DACH1: variants seen among roughly 807,000 people sequenced by gnomAD.
The protein encoded by DACH1 is dachshund homolog 1.
A neutral mutation model predicts 54.2 loss-of-function variants in DACH1; 12 were observed. The ratio of observed to expected loss-of-function variants is 0.22; its 90% CI spans 0.14 to 0.36. The LOEUF (loss-of-function observed/expected upper bound fraction) is 0.36. Ranked by LOEUF, DACH1 falls within the 10% of genes least tolerant of loss-of-function variation. The probability of loss-of-function intolerance (pLI) is 1.00; values close to 1 mark genes in which losing one functional copy is unlikely to be tolerated. For missense variants in DACH1, 805 were observed against 929.8 expected (o/e 0.87, Z 1.75); for synonymous variants, 386 against 366.2 (o/e 1.05, Z -0.62).
At chr13:71,751,216 C>CGTCA (rs1884907980) in intron 1 of DACH1, among the ~76,000 whole-genome samples, 1 of 152,200 alleles carries the variant, frequency 6.6e-6, no homozygotes, top group South Asian at 2.1e-4. Context: ...GTTTCTGCTG[C>CGTCA]GTCAGTCATC....
intron 1 of DACH1, among the ~76,000 whole-genome samples, chr13:71,743,490 C>T (rs1594165850): frequency 6.6e-6 from 1 of 152,162 alleles, no homozygotes; most frequent in Non-Finnish European, 1.5e-5. Flanking sequence ...TTCGCACAGT[C>T]CCTACAACTC....
At chr13:71,445,348 T>C (rs1248659499) in intron 10 of DACH1, among the ~76,000 whole-genome samples, 1 of 152,220 alleles carries the variant, frequency 6.6e-6, no homozygotes, top group African/African-American at 2.4e-5. Context: ...CCATGGGTAC[T>C]ATATAAAACA....
rs556321668 is a variant in DACH1 at position 71,753,338 on chromosome 13, T to C, written c.849-71428A>G. On this transcript the variant is annotated intron_variant, in intron 1 of 10. Coordinates refer to ENST00000613252, the MANE Select transcript of DACH1 (RefSeq NM_080759.6). ...GCTGATATTAGTCTACACAGTGTAT[T>C]ACAGATGAGGTACATTTCTTCTTAC... Among the ~76,000 whole-genome samples the C allele has an allele frequency of 7.9e-5, 12 of 152,248 alleles. No homozygotes were observed. In the South Asian group the frequency reaches 2.5e-3, roughly 32 times the overall value.
At chr13:71,532,878 T>C (rs1882507310) in intron 6 of DACH1, among the ~76,000 whole-genome samples, 1 of 151,944 alleles carries the variant, frequency 6.6e-6, no homozygotes. Context: ...TTCTAGTTAA[T>C]AAATATACAA....
chr13:71,459,233 T>C (rs1875857704), intron 10 of DACH1, among the ~76,000 whole-genome samples: 1 of 151,930 alleles, frequency 6.6e-6, no homozygotes, highest in South Asian at 2.1e-4. Context: ...AGAGGATATG[T>C]ATTAAAAACA....
chr13:71,637,961 G>A (rs1238934315), intron 2 of DACH1, among the ~76,000 whole-genome samples: 1 of 152,118 alleles, frequency 6.6e-6, no homozygotes, highest in African/African-American at 2.4e-5. Flanking sequence ...AAGACATCAA[G>A]ATGACTTCCA....
intron 1 of DACH1, among the ~76,000 whole-genome samples, chr13:71,848,010 G>T (rs559704642): frequency 6.6e-6 from 1 of 152,236 alleles, no homozygotes; most frequent in African/African-American, 2.4e-5. Flanking sequence ...AAATCACTGT[G>T]CTGGGAGACG....
In DACH1 at chr13:71,559,959, C is replaced by A; in HGVS notation, c.1300-4G>T. The A allele has an allele frequency of 2.6e-6, 4 of 1,536,804 alleles. No homozygotes were observed. The highest frequency in any genetic ancestry group is 1.3e-5 in the South Asian group (1 of 79,736). On this transcript the variant is annotated splice_region_variant and splice_polypyrimidine_tract_variant and intron_variant, in intron 4 of 10. Transcript: ENST00000613252. ...AGGGGCTATCAGGAACACGCTCCTG[C>A]ACCAGCAAGAGAGGGAAGGAGGGTA...
intron 2 of DACH1, among the ~76,000 whole-genome samples, chr13:71,673,563 C>T (rs1398392666): frequency 1.3e-5 from 2 of 151,376 alleles, no homozygotes; most frequent in South Asian, 2.1e-4. Flanking sequence ...TAATATGTTC[C>T]CATGGACACG....
intron 1 of DACH1, among the ~76,000 whole-genome samples, chr13:71,717,129 T>A (rs2138792397): frequency 6.6e-6 from 1 of 152,156 alleles, no homozygotes; most frequent in Non-Finnish European, 1.5e-5. Flanking sequence ...TCAATTATAT[T>A]ATGTACACAC....
At chr13:71,500,488 C>T (rs933371289) in intron 6 of DACH1, among the ~76,000 whole-genome samples, 3 of 152,034 alleles carry the variant, frequency 2.0e-5, no homozygotes, top group African/African-American at 7.3e-5. Context: ...GTGTTGAGGA[C>T]TGATATTCAA....
chr13:71,821,592 T>C (rs1479125478), intron 1 of DACH1, among the ~76,000 whole-genome samples: 3 of 152,168 alleles, frequency 2.0e-5, no homozygotes, highest in Non-Finnish European at 2.9e-5. Flanking sequence ...CCTACATTAG[T>C]TATATATTTT....
At chr13:71,565,294 A>T (rs1352545961) in intron 4 of DACH1, among the ~76,000 whole-genome samples, 5 of 152,160 alleles carry the variant, frequency 3.3e-5, no homozygotes, top group Non-Finnish European at 7.4e-5. Context: ...AGCTTTAAGA[A>T]AACTCAGGCT....
intron 1 of DACH1, among the ~76,000 whole-genome samples, chr13:71,791,619 G>C (rs1886837275): frequency 6.6e-6 from 1 of 152,064 alleles, no homozygotes; most frequent in Non-Finnish European, 1.5e-5. Flanking sequence ...TCTGACCTCG[G>C]GTGATCCACC....
At chr13:71,682,044 A>G (rs1369715117) in intron 1 of DACH1, 134 bp from the exon 2 acceptor site, 24 of 561,206 alleles carry the variant, frequency 4.3e-5, no homozygotes, top group South Asian at 3.1e-4. Context: ...TAGATGTAAT[A>G]GACTTCCATC....
intron 6 of DACH1, among the ~76,000 whole-genome samples, chr13:71,510,424 C>T (rs1880689151): frequency 6.6e-6 from 1 of 151,926 alleles, no homozygotes; most frequent in African/African-American, 2.4e-5. Flanking sequence ...AAAATGAACA[C>T]TTCATTATCC....
At chr13:71,844,284 G>T (rs959600135) in intron 1 of DACH1, among the ~76,000 whole-genome samples, 1 of 152,076 alleles carries the variant, frequency 6.6e-6, no homozygotes, top group Non-Finnish European at 1.5e-5. Flanking sequence ...ACATAAGGTC[G>T]TGCATAAATA....
At chr13:71,685,919 G>A (rs1000406126) in intron 1 of DACH1, among the ~76,000 whole-genome samples, 8 of 152,028 alleles carry the variant, frequency 5.3e-5, no homozygotes, top group African/African-American at 1.9e-4. Flanking sequence ...TTAGAAATAA[G>A]TTATTCTTAA....
chr13:71,469,631 T>C (rs1456066963), intron 10 of DACH1, among the ~76,000 whole-genome samples: 1 of 152,160 alleles, frequency 6.6e-6, no homozygotes, highest in African/African-American at 2.4e-5. Flanking sequence ...TTTTGCACAA[T>C]AAGGAGATTT....
Sources: gnomAD v4.1 joint callset for allele counts (sites outside exome capture counted in the v4.1 genomes callset) on GRCh38, gnomAD v4.1.1 for gene constraint, MANE v1.5 for transcripts, NCBI Gene and HGNC (gene_info 2026-07-23, HGNC 2026-07-21) for gene names.